The following ZNF527 variants were observed in gnomAD, a reference collection of about 807,000 sequenced individuals.
ZNF527 encodes zinc finger protein 527.
ZNF527 carries 5 observed loss-of-function variants against 13.5 expected under a neutral mutation model. The ratio of observed to expected loss-of-function variants is 0.37; its 90% confidence interval spans 0.19 to 0.78. ZNF527 has a LOEUF of 0.78. ZNF527 is among the 30% of genes least tolerant of loss of function. The pLI, the probability that ZNF527 is intolerant of heterozygous loss-of-function variation, is 0.48. For missense variants in ZNF527, 628 were observed against 726.4 expected (o/e 0.86, Z 1.56); for synonymous variants, 209 against 243.1 (o/e 0.86, Z 1.30).
intron 2 of ZNF527, among the ~76,000 whole-genome samples, chr19:37,375,335 CTTTCCTTT>C (rs1206913519): frequency 5.4e-5 from 6 of 110,796 alleles, no homozygotes; most frequent in African/African-American, 2.0e-4. Context: ...TTCTTTCTTT[CTTTCCTTT>C]CTTTCCTTTC....
chr19:37,373,224 C>T (rs548153628), intron 1 of ZNF527, among the ~76,000 whole-genome samples: 2 of 152,208 alleles, frequency 1.3e-5, no homozygotes, highest in South Asian at 2.1e-4. Flanking sequence ...TGTGCTAATA[C>T]GGCTGTGTGT....
chr19:37,386,162 T>TTTTTTTTTTTTA (rs2040697751), intron 4 of ZNF527, among the ~76,000 whole-genome samples: 2 of 146,354 alleles, frequency 1.4e-5, no homozygotes, highest in African/African-American at 2.5e-5. Flanking sequence ...TTTTTTTTTT[T>TTTTTTTTTTTTA]GAGACAGTCT....
At chr19:37,372,465 T>TCC (rs2040566156) in intron 1 of ZNF527, among the ~76,000 whole-genome samples, 1 of 97,192 alleles carries the variant, frequency 1.0e-5, no homozygotes, top group African/African-American at 5.7e-5. Context: ...TTCTTTTCTT[T>TCC]TCTTTTTTTT....
chr19:37,380,147 T>C, intron 3 of ZNF527, 130 bp from the exon 4 acceptor site: 1 of 1,438,182 alleles, frequency 7.0e-7, no homozygotes. Context: ...TCTCTAGCTC[T>C]TCCTCTAATG....
chr19:37,380,300 A>G lies in ZNF527; in HGVS notation c.184A>G (p.Met62Val), dbSNP rs1290512759. The G allele has an allele frequency of 5.6e-6, 9 of 1,613,938 alleles. No individual in the cohort carries two copies. In the Admixed American group the frequency reaches 1.2e-4, roughly 21 times the overall value. Residue 62 changes from methionine (M) to valine (V), a missense_variant, in exon 4 of 5, where the codon ATG (methionine) becomes GTG (valine). By Grantham distance (21) the Met-to-Val change is conservative. This residue lies in a region of ZNF527 where 592 missense variants were observed against 678.0 expected (regional missense o/e 0.87). Coordinates refer to ENST00000436120, the MANE Select transcript of ZNF527 (RefSeq NM_032453.2). ...WLGLSISKPN[M>V]ISLLEQGKEP... The stretch of plus-strand genomic sequence containing the variant: ...AGGACTCTCCATTTCTAAGCCCAAC[A>G]TGATCTCCTTACTGGAGCAAGGGAA...
chr19:37,375,881 G>C (rs1432173401), intron 2 of ZNF527, among the ~76,000 whole-genome samples: 2 of 152,156 alleles, frequency 1.3e-5, no homozygotes, highest in Non-Finnish European at 2.9e-5. Context: ...AGTGTTTCAA[G>C]GATGGGATGA....
intron 4 of ZNF527, among the ~76,000 whole-genome samples, chr19:37,382,293 A>G (rs201116589): frequency 1.3e-5 from 1 of 79,632 alleles, no homozygotes; most frequent in Non-Finnish European, 2.3e-5. Context: ...AGGTAGATAG[A>G]TAGATAGATA....
At chr19:37,378,586 T>C (rs1409546078) in intron 2 of ZNF527, among the ~76,000 whole-genome samples, 2 of 152,204 alleles carry the variant, frequency 1.3e-5, no homozygotes, top group Non-Finnish European at 2.9e-5. Flanking sequence ...CTAAACTCTA[T>C]TTTTGAACAT....
rs1555826993 is a variant in ZNF527, at chr19:37,375,311, T to TTTTCTTTCTTTCTTTCTTTCTTTCTTTC, written c.33+1081_33+1108dup. Among the ~76,000 whole-genome samples the TTTTCTTTCTTTCTTTCTTTCTTTCTTTC allele has an allele frequency of 3.1e-4, 25 of 79,824 alleles. 1 individual carries two copies. The highest frequency in any genetic ancestry group is 7.9e-4 in the African/African-American group (14 of 17,788). The allele number at this position is 79,824 out of a possible 152,430, so 52.4% of individuals were successfully genotyped here. A position where few individuals can be genotyped will look rare whatever the true frequency, so the allele number is the denominator to read the frequency against. ...CTTTCTTTCTTTCTTTCTTTCTTTC[T>TTTTCTTTCTTTCTTTCTTTCTTTCTTTC]TTTCTTTCTTTCTTTCTTTCTTTCT... is the stretch of plus-strand genomic sequence containing the variant. On this transcript the variant is annotated intron_variant, in intron 2 of 4. Transcript: ENST00000436120.
chr19:37,388,106 A>G (rs1475468913), intron 4 of ZNF527, among the ~76,000 whole-genome samples, 200 bp from the exon 5 acceptor site: 1 of 151,982 alleles, frequency 6.6e-6, no homozygotes, highest in Non-Finnish European at 1.5e-5. Context: ...CAACACATAT[A>G]CCTTCCCTTC....
Position 37,374,150 on chromosome 19 carries a change from C to T in ZNF527, c.-41-8C>T. 1 of 1,590,080 alleles carries T rather than the reference C, an allele frequency of 6.3e-7. No individual in the cohort carries two copies. Among genetic ancestry groups the T allele is most frequent in the Non-Finnish European group, 8.6e-7 (1 of 1,158,324 alleles). On this transcript the variant is annotated splice_region_variant and splice_polypyrimidine_tract_variant and intron_variant, in intron 1 of 4. Coordinates refer to ENST00000436120, the MANE Select transcript of ZNF527 (RefSeq NM_032453.2). ...ATCATCATTTCTTCATTAACTCTCC[C>T]TTCTCAGGACTTTGTTCTTCTTCAG...
At position 37,371,111 on chromosome 19, in the gene ZNF527, G is replaced by C. The variant is rs530190846; in HGVS notation, c.-157G>C. 3 of 152,906 alleles carry C rather than the reference G, an allele frequency of 2.0e-5. No homozygotes were observed. The South Asian group carries it at 6.2e-4, about 32-fold the overall frequency. 9.5% of individuals were successfully genotyped at this position (152,906 alleles called of 1,614,324 possible). ...GTGTCGCTGGTTCAGATCTCGCAGA[G>C]CTCAGAGTCCTGCATGCCTCAGTCC... On this transcript the variant is annotated 5_prime_UTR_variant, in exon 1 of 5. Transcript: ENST00000436120.
rs1644857087 is a variant in ZNF527, at chr19:37,391,741, T to G, written c.*1862T>G. 1.3e-5 allele frequency: 2 copies of G among 152,282 alleles called. No homozygotes were observed. Among genetic ancestry groups the G allele is most frequent in the African/African-American group, 4.8e-5 (2 of 41,574 alleles). 9.4% of individuals were successfully genotyped at this position (152,282 alleles called of 1,614,324 possible). A position where few individuals can be genotyped will look rare whatever the true frequency, so the allele number is the denominator to read the frequency against. On this transcript the variant is annotated 3_prime_UTR_variant, in exon 5 of 5. Coordinates refer to ENST00000436120, the MANE Select transcript of ZNF527 (RefSeq NM_032453.2). ...GTAAAGCAGTTAATGCCTAAAATTT[T>G]TAGAGACTAAATCATTTCCATTATT... is the stretch of plus-strand genomic sequence containing the variant.
At chr19:37,374,409 A>G (rs2040583304) in intron 2 of ZNF527, among the ~76,000 whole-genome samples, 178 bp downstream of exon 2, 1 of 152,166 alleles carries the variant, frequency 6.6e-6, no homozygotes, top group African/African-American at 2.4e-5. Flanking sequence ...GTTATGCTCA[A>G]ATGTGTGATG....
In ZNF527 at chr19:37,380,388, C is replaced by T. The variant is rs777852761; in HGVS notation, c.256+16C>T. 4 of 1,606,906 alleles carry T rather than the reference C, an allele frequency of 2.5e-6. No individual in the cohort carries two copies. The Admixed American group carries it at 6.7e-5, about 27-fold the overall frequency. ...CACTGTGCAGGTGAGTGACAGATCA[C>T]CAGGCAGGGAGGACTATTGTAAGGT... On this transcript the variant is annotated intron_variant, in intron 4 of 4. Transcript: ENST00000436120.
chr19:37,375,242 T>TTTTCTTTCTTTCTTTCTTTC (rs772278647), intron 2 of ZNF527, among the ~76,000 whole-genome samples: 9 of 97,196 alleles, frequency 9.3e-5, no homozygotes, highest in East Asian at 3.2e-4. Context: ...CCTTAGTGTA[T>TTTTCTTTCTTTCTTTCTTTC]TTTCTTTCTT....
chr19:37,374,194 G>C lies in ZNF527; in HGVS notation c.-5G>C. 1 of 1,613,910 alleles carries C rather than the reference G, an allele frequency of 6.2e-7. No individual in the cohort carries two copies. Among genetic ancestry groups the C allele is most frequent in the Non-Finnish European group, 8.5e-7 (1 of 1,179,880 alleles). ...TCTTCAGAAGAGAAAACTGAAGAAG[G>C]AGGAATGGCTGTGGGGCTTTGTAAA... On this transcript the variant is annotated 5_prime_UTR_variant, in exon 2 of 5. Coordinates refer to ENST00000436120, the MANE Select transcript of ZNF527 (RefSeq NM_032453.2).
chr19:37,388,845 A>G lies in ZNF527; in HGVS notation c.796A>G (p.Thr266Ala). The G allele has an allele frequency of 6.2e-7, 1 of 1,614,094 alleles. No individual in the cohort carries two copies. The highest frequency in any genetic ancestry group is 1.1e-5 in the South Asian group (1 of 91,070). ...CCACTCATTATTTACTCAACATCAGACCACTCATTTTGGAAAATTACCCCA... is the reference window on the plus strand; with the variant it reads ...CCACTCATTATTTACTCAACATCAGGCCACTCATTTTGGAAAATTACCCCA... ...SFHSLFTQHQ[T>A]THFGKLPHGY... is the part of the protein sequence containing the mutation. The change falls in exon 5 of 5, where the codon ACC becomes GCC. Residue 266 changes from threonine to alanine, a missense_variant. This residue lies in a region of ZNF527 where 592 missense variants were observed against 678.0 expected (regional missense o/e 0.87). Coordinates refer to ENST00000436120, the MANE Select transcript of ZNF527 (RefSeq NM_032453.2).
intron 2 of ZNF527, among the ~76,000 whole-genome samples, chr19:37,377,119 CTTAT>C (rs1375846512): frequency 6.6e-6 from 1 of 151,882 alleles, no homozygotes; most frequent in Non-Finnish European, 1.5e-5. Flanking sequence ...TGGAAGGGAA[CTTAT>C]TTATTTATTT....
Sources: allele counts gnomAD v4.1 joint callset (sites outside exome capture counted in the v4.1 genomes callset), GRCh38; gene constraint gnomAD v4.1.1; regional missense constraint gnomAD v4.1.1; transcripts MANE v1.5; gene names NCBI Gene and HGNC (gene_info 2026-07-23, HGNC 2026-07-21).